Variants in GRIK2 observed in about 807,000 individuals in gnomAD.
GRIK2 encodes glutamate ionotropic receptor kainate type subunit 2.
A neutral mutation model predicts 100.3 loss-of-function variants in GRIK2; 32 were observed. The ratio of observed to expected loss-of-function variants is 0.32; its 90% CI spans 0.24 to 0.43. The LOEUF is 0.43. Ranked by LOEUF, GRIK2 falls within the 20% of genes least tolerant of loss-of-function variation. The pLI is 1.00. For missense variants in GRIK2, 843 were observed against 1,114.9 expected (o/e 0.76, Z 3.47); for synonymous variants, 417 against 389.4 (o/e 1.07, Z -0.83).
intron 2 of GRIK2, among the ~76,000 whole-genome samples, chr6:101,535,163 T>C (rs1472712020): frequency 6.6e-6 from 1 of 151,758 alleles, no homozygotes; most frequent in Non-Finnish European, 1.5e-5. Flanking sequence ...AGAATTCTAT[T>C]AATGTAACAA....
intron 2 of GRIK2, among the ~76,000 whole-genome samples, chr6:101,541,442 C>A (rs1318211188): frequency 1.4e-5 from 2 of 141,420 alleles, no homozygotes; most frequent in Non-Finnish European, 3.1e-5. Flanking sequence ...CACCCTTATA[C>A]AAACCCAACC....
intron 16 of GRIK2, among the ~76,000 whole-genome samples, chr6:102,056,716 TA>T (rs1052007194): frequency 6.6e-6 from 1 of 151,944 alleles, no homozygotes; most frequent in Non-Finnish European, 1.5e-5. Context: ...TTTTTGAAAA[TA>T]AAAATGCTCC....
intron 2 of GRIK2, among the ~76,000 whole-genome samples, chr6:101,439,944 T>G (rs1393215809): frequency 6.6e-6 from 1 of 152,150 alleles, no homozygotes; most frequent in Admixed American, 6.6e-5. Context: ...TCATTTGTTA[T>G]TGTTAGTGAG....
intron 14 of GRIK2, among the ~76,000 whole-genome samples, chr6:101,985,611 T>C (rs1180618789): frequency 2.0e-5 from 3 of 151,774 alleles, no homozygotes; most frequent in Non-Finnish European, 4.4e-5. Flanking sequence ...AGACAAACTC[T>C]GGGATTATAA....
chr6:101,839,928 G>T (rs1441951735), intron 10 of GRIK2, among the ~76,000 whole-genome samples: 1 of 151,984 alleles, frequency 6.6e-6, no homozygotes, highest in Non-Finnish European at 1.5e-5. Flanking sequence ...TGATCTAGTT[G>T]GCAGTTAGAT....
chr6:102,006,212 TA>T (rs1230986656), intron 14 of GRIK2, among the ~76,000 whole-genome samples: 2 of 151,674 alleles, frequency 1.3e-5, no homozygotes, highest in Non-Finnish European at 2.9e-5. Flanking sequence ...CATTGTGTAA[TA>T]AAAAATAAAT....
intron 14 of GRIK2, among the ~76,000 whole-genome samples, chr6:101,960,158 T>C (rs1792205035): frequency 6.6e-6 from 1 of 151,500 alleles, no homozygotes; most frequent in Admixed American, 6.6e-5. Context: ...ATGTATCTTG[T>C]AATTATTTCA....
chr6:101,486,152 T>G (rs1171144853), intron 2 of GRIK2, among the ~76,000 whole-genome samples: 1 of 152,014 alleles, frequency 6.6e-6, no homozygotes, highest in Non-Finnish European at 1.5e-5. Flanking sequence ...GTGTGTTCAG[T>G]CTCCTCTCCC....
Position 101,804,660 on chromosome 6 carries a change from G to A in GRIK2, c.1203+2222G>A, listed in dbSNP as rs565566888. On this transcript the variant is annotated intron_variant, in intron 9 of 16. Transcript: ENST00000369134. ...ATTGGAAAATGAATTAGCAAGTAGG[G>A]GAATTACTAGTAGAAATAAACTGGC... Among the ~76,000 whole-genome samples, 12 of 151,966 alleles carry A rather than the reference G, an allele frequency of 7.9e-5. 1 individual carries two copies. In the South Asian group the frequency reaches 2.3e-3, roughly 29 times the overall value.
At chr6:101,971,402 A>G (rs1025284533) in intron 14 of GRIK2, among the ~76,000 whole-genome samples, 1 of 152,030 alleles carries the variant, frequency 6.6e-6, no homozygotes, top group African/African-American at 2.4e-5. Context: ...TTATGTTTCC[A>G]TATACTTAAG....
At chr6:101,599,794 G>A (rs1383638867) in intron 2 of GRIK2, among the ~76,000 whole-genome samples, 1 of 151,412 alleles carries the variant, frequency 6.6e-6, no homozygotes, top group African/African-American at 2.4e-5. Context: ...TATAGATTTT[G>A]GAATTAGAAC....
intron 4 of GRIK2, among the ~76,000 whole-genome samples, chr6:101,629,650 G>A (rs888869484): frequency 3.9e-5 from 6 of 152,114 alleles, no homozygotes; most frequent in African/African-American, 1.4e-4. Flanking sequence ...CCTTTGAAAT[G>A]TATTTATAAA....
At chr6:102,068,269 G>C (rs1477773949) in intron 16 of GRIK2, 78 bp from the exon 17 acceptor site, 15 of 1,040,812 alleles carry the variant, frequency 1.4e-5, no homozygotes, top group Non-Finnish European at 2.1e-5. Context: ...AGTCTGTTGA[G>C]GATGATTTTA....
chr6:101,825,043 TAGA>T (rs752847572), intron 10 of GRIK2, among the ~76,000 whole-genome samples: 4 of 152,204 alleles, frequency 2.6e-5, no homozygotes, highest in African/African-American at 4.8e-5. Flanking sequence ...TCCATTGTGG[TAGA>T]AGGACTGTCA....
intron 11 of GRIK2, among the ~76,000 whole-genome samples, chr6:101,888,933 GAAAAGCA>G (rs1401341437): frequency 6.6e-6 from 1 of 152,088 alleles, no homozygotes; most frequent in Non-Finnish European, 1.5e-5. Flanking sequence ...CCTGGTGAGT[GAAAAGCA>G]TTACTAATTC....
chr6:101,465,729 A>T (rs1771610502), intron 2 of GRIK2, among the ~76,000 whole-genome samples: 1 of 152,186 alleles, frequency 6.6e-6, no homozygotes, highest in African/African-American at 2.4e-5. Context: ...CAGTTGCAAA[A>T]ATATTACTCT....
At chr6:101,532,183 GCTC>G (rs1231154100) in intron 2 of GRIK2, among the ~76,000 whole-genome samples, 2 of 151,750 alleles carry the variant, frequency 1.3e-5, no homozygotes, top group African/African-American at 4.8e-5. Flanking sequence ...CCTAATCACA[GCTC>G]CTCAAACACT....
At chr6:101,552,602 G>A (rs897755092) in intron 2 of GRIK2, among the ~76,000 whole-genome samples, 3 of 152,120 alleles carry the variant, frequency 2.0e-5, no homozygotes, top group African/African-American at 7.2e-5. Flanking sequence ...ATTATATATG[G>A]GTGGGAAATA....
intron 14 of GRIK2, among the ~76,000 whole-genome samples, chr6:102,013,637 AT>A (rs1795667299): frequency 1.3e-5 from 2 of 152,162 alleles, no homozygotes; most frequent in African/African-American, 4.8e-5. Flanking sequence ...AGTTTTTAAC[AT>A]GAAAAGATGT....
Sources: allele counts gnomAD v4.1 joint callset (sites outside exome capture counted in the v4.1 genomes callset), GRCh38; gene constraint gnomAD v4.1.1; transcripts MANE v1.5; gene names NCBI Gene and HGNC (gene_info 2026-07-23, HGNC 2026-07-21).